Variants in PLEC observed in about 807,000 individuals in gnomAD.
PLEC encodes the protein hemidesmosomal protein 1.
Under a neutral mutation model 392.8 loss-of-function variants are expected in PLEC, and 216 were observed. That is an observed-to-expected ratio of 0.55 (90% CI 0.49 to 0.62). PLEC has a LOEUF of 0.62. PLEC is among the 20% of genes least tolerant of loss of function. The pLI is 0.00. For synonymous variants in PLEC, 3,621 were observed against 2,980.6 expected, an observed-to-expected ratio of 1.21 and a Z score of -7.00; for missense variants, 6,863 against 6,563.4, an observed-to-expected ratio of 1.05 and a Z score of -1.58.
intron 29 of PLEC, 25 bp downstream of exon 29, chr8:143,926,952 C>G (rs529195444): frequency 1.2e-6 from 2 of 1,608,072 alleles, no homozygotes; most frequent in Non-Finnish European, 1.7e-6. Context: ...AGCCCCTCAC[C>G]CAGTTAGGTT....
Position 143,923,955 on chromosome 8 carries a change from T to C in PLEC, c.5974A>G (p.Lys1992Glu). 6.3e-7 allele frequency: 1 copy of C among 1,593,124 alleles called. No homozygotes were observed. The highest frequency in any genetic ancestry group is 8.5e-7 in the Non-Finnish European group (1 of 1,177,266). The change falls in exon 31 of 32, where the codon AAG becomes GAG. Residue 1992 changes from lysine to glutamate, a missense_variant. Physicochemically the swap from Lys to Glu is moderately conservative, Grantham distance 56 (BLOSUM62 1). Transcript: ENST00000345136. ...RRREAEERVQ[K>E]SLAAEEEAAR... ...GCCTCCTCCTCGGCCGCCAGGCTCT[T>C]CTGCACGCGCTCCTCAGCCTCACGG...
intron 28 of PLEC, 77 bp from the exon 29 acceptor site, chr8:143,927,158 G>C: frequency 1.3e-6 from 2 of 1,562,414 alleles, no homozygotes; most frequent in Non-Finnish European, 8.8e-7. Flanking sequence ...CCTCACATGG[G>C]CTTTCCCTGG....
At chr8:143,946,180 G>C (rs367642644) in intron 1 of PLEC, among the ~76,000 whole-genome samples, 1 of 152,178 alleles carries the variant, frequency 6.6e-6, no homozygotes, top group Non-Finnish European at 1.5e-5. Flanking sequence ...TGTGCTTCCG[G>C]GACACACATC....
upstream of PLEC, chr8:143,975,253 G>T: frequency 6.2e-7 from 1 of 1,608,132 alleles, no homozygotes; most frequent in East Asian, 2.2e-5. This position sits in a 1 kb window ranked among gnomAD's most constrained non-coding sequence, Gnocchi z 9.9. Context: ...CGCTGCGCCG[G>T]CTCCGCTGCG....
Position 143,935,961 on chromosome 8 carries a change from C to T in PLEC, c.489G>A (p.Lys163=), listed in dbSNP as rs781925929. Residue 163 remains lysine (K), a synonymous_variant, in exon 6 of 32, where the codon AAG becomes AAA. Transcript: ENST00000345136. The part of the protein sequence containing the change: ...GQSEDMTAKE[K]LLLWSQRMVE... ...CCATTCGCTGCGACCACAGCAGCAGCTTCTCCTTGGCCGTCATGTCCTCCG... is the reference window on the plus strand; with the variant it reads ...CCATTCGCTGCGACCACAGCAGCAGTTTCTCCTTGGCCGTCATGTCCTCCG... 5.0e-6 allele frequency: 8 copies of T among 1,612,816 alleles called. No homozygotes were observed. In the Admixed American group the frequency reaches 8.3e-5, roughly 17 times the overall value.
At chr8:143,930,560 G>T in intron 19 of PLEC, 24 bp from the exon 20 acceptor site, 2 of 1,569,384 alleles carry the variant, frequency 1.3e-6, no homozygotes. Flanking sequence ...GCAGCATCCA[G>T]ACGAGGGCCA....
intron 3 of PLEC, among the ~76,000 whole-genome samples, chr8:143,937,449 C>A (rs1462904428): frequency 6.6e-6 from 1 of 152,116 alleles, no homozygotes; most frequent in African/African-American, 2.4e-5. Flanking sequence ...GGAAGTCCAG[C>A]GACCCAGGCT....
chr8:143,917,694 G>C lies in PLEC; in HGVS notation c.12127C>G (p.Leu4043Val). 3 of 1,613,592 alleles carry C rather than the reference G, an allele frequency of 1.9e-6. No homozygotes were observed. The highest frequency in any genetic ancestry group is 1.7e-6 in the Non-Finnish European group (2 of 1,180,022). The change falls in exon 32 of 32, where the codon CTG (leucine) becomes GTG (valine). Residue 4043 changes from leucine to valine, a missense_variant. Coordinates refer to ENST00000345136, the MANE Select transcript of PLEC (RefSeq NM_201384.3). ...CCGCCCGTGGCGATCTGGGCCTCCA[G>C]CAGGCGGATGCCATGGTCCTTCAGG... ...LILKDHGIRL[L>V]EAQIATGGII...
At position 143,924,273 on chromosome 8, in the gene PLEC, G is replaced by A. The variant is rs1554696465; in HGVS notation, c.5656C>T (p.Gln1886Ter). Residue 1886 changes from glutamine (Q) to a stop codon, truncating the protein, a stop_gained, in exon 31 of 32, where the codon CAA becomes TAA. Transcript: ENST00000345136. LOFTEE classifies it high-confidence loss of function. ...QRRRLEEQAA[Q>*]HKADIEERLA... ...CGCTCCTCGATGTCAGCCTTGTGTT[G>A]CGCGGCCTGCTCCTCCAGCCGCCGC... The A allele has an allele frequency of 6.3e-7, 1 of 1,596,664 alleles. No homozygotes were observed. The highest frequency in any genetic ancestry group is 2.2e-5 in the East Asian group (1 of 44,712).
upstream of PLEC, among the ~76,000 whole-genome samples, chr8:143,943,480 T>C (rs1268292337): frequency 1.3e-5 from 2 of 152,212 alleles, no homozygotes; most frequent in African/African-American, 4.8e-5. Flanking sequence ...CACTTGTCCC[T>C]GCCACGGCGG....
Position 143,917,379 on chromosome 8 carries a change from T to C in PLEC, c.12442A>G (p.Thr4148Ala). 2 of 1,611,394 alleles carry C rather than the reference T, an allele frequency of 1.2e-6. No homozygotes were observed. The highest frequency in any genetic ancestry group is 2.2e-5 in the South Asian group (2 of 91,070). The part of the protein sequence containing the change: ...KRRVVIVDPE[T>A]GKEMSVYEAY... ...TCGTACACTGACATCTCCTTGCCCG[T>C]CTCGGGGTCCACGATGACCACTCGG... is the stretch of plus-strand genomic sequence containing the variant. Residue 4148 changes from threonine to alanine, a missense_variant, in exon 32 of 32, where the codon ACG becomes GCG. Transcript: ENST00000345136.
chr8:143,937,238 C>CG lies in PLEC; in HGVS notation c.268dup (p.Arg90ProfsTer34), dbSNP rs781879201. The CG allele has an allele frequency of 6.2e-7, 1 of 1,612,046 alleles. No homozygotes were observed. The highest frequency in any genetic ancestry group is 8.5e-7 in the Non-Finnish European group (1 of 1,179,358). On this transcript the variant is annotated frameshift_variant, in exon 4 of 32. Transcript: ENST00000345136. LOFTEE classifies it high-confidence loss of function. Reference sequence around the variant, plus strand: ...GTGGAAACGCATCCTCCCCTTCTCCCGGGGCTGTGGGGAGGCACAGTCAGC... The same window carrying CG: ...GTGGAAACGCATCCTCCCCTTCTCCCGGGGGCTGTGGGGAGGCACAGTCAGC...
chr8:143,940,304 A>ACGGAGGC, upstream of PLEC, among the ~76,000 whole-genome samples: 1 of 152,298 alleles, frequency 6.6e-6, no homozygotes, highest in Admixed American at 6.5e-5. Context: ...GGGCTGACTC[A>ACGGAGGC]CGGAGGCCGG....
chr8:143,918,535 G>A lies in PLEC; in HGVS notation c.11286C>T (p.Leu3762=). 6.2e-7 allele frequency: 1 copy of A among 1,609,844 alleles called. No homozygotes were observed. Residue 3762 remains leucine, a synonymous_variant, in exon 32 of 32, where the codon CTC becomes CTT. Coordinates refer to ENST00000345136, the MANE Select transcript of PLEC (RefSeq NM_201384.3). Reference sequence around the variant, plus strand: ...AGCCGGTGACCGCCCGCTCAGCCGAGAGCAGGCGGTCGTGCAGCTCGGGCC... The same window carrying A: ...AGCCGGTGACCGCCCGCTCAGCCGAAAGCAGGCGGTCGTGCAGCTCGGGCC... ...LVGPELHDRL[L]SAERAVTGYR...
At chr8:143,948,366 C>T (rs1831740460) in intron 1 of PLEC, among the ~76,000 whole-genome samples, 1 of 152,236 alleles carries the variant, frequency 6.6e-6, no homozygotes, top group Admixed American at 6.5e-5. Context: ...CACTTAAAAA[C>T]TCCAAGAAGT....
chr8:143,939,610 C>A, upstream of PLEC: 1 of 1,476,314 alleles, frequency 6.8e-7, no homozygotes, highest in South Asian at 1.3e-5. Flanking sequence ...TCGGTGCGGC[C>A]ACTCCCTGCC....
upstream of PLEC, among the ~76,000 whole-genome samples, chr8:143,956,157 A>T (rs1832582812): frequency 6.6e-6 from 1 of 152,180 alleles, no homozygotes; most frequent in South Asian, 2.1e-4. Context: ...CATGTTGGTC[A>T]GGCTGATCTC....
At chr8:143,955,266 C>T (rs1438906000), upstream of PLEC, among the ~76,000 whole-genome samples, 1 of 152,160 alleles carries the variant, frequency 6.6e-6, no homozygotes, top group Non-Finnish European at 1.5e-5. Context: ...CACTTGAGGT[C>T]AGGAGTTTGA....
At position 143,916,546 on chromosome 8, in the gene PLEC, C is replaced by T; in HGVS notation, c.13275G>A (p.Leu4425=). The T allele has an allele frequency of 6.2e-7, 1 of 1,611,806 alleles. No individual in the cohort carries two copies. Among genetic ancestry groups the T allele is most frequent in the South Asian group, 1.1e-5 (1 of 91,080 alleles). The change falls in exon 32 of 32, where the codon CTG becomes CTA. Residue 4425 remains leucine, a synonymous_variant. Coordinates refer to ENST00000345136, the MANE Select transcript of PLEC (RefSeq NM_201384.3). ...GTVDARTAQK[L]RDVGAYSKYL... is the part of the protein sequence containing the mutation. ...ACTTGGAGTAGGCGCCCACGTCACG[C>T]AGCTTCTGTGCGGTGCGGGCGTCCA... is the stretch of plus-strand genomic sequence containing the variant.
Sources: allele counts gnomAD v4.1 joint callset (sites outside exome capture counted in the v4.1 genomes callset), GRCh38; gene constraint gnomAD v4.1.1; non-coding constraint Gnocchi (gnomAD v3.1); transcripts MANE v1.5; gene names NCBI Gene and HGNC (gene_info 2026-07-23, HGNC 2026-07-21).